SYT1: variants seen among roughly 807,000 people sequenced by gnomAD.
SYT1 encodes synaptotagmin-1.
In SYT1, 8 loss-of-function variants were observed where a neutral mutation model predicts 44.8. The observed-to-expected ratio is 0.18, with a 90% confidence interval of 0.10 to 0.32. The LOEUF (loss-of-function observed/expected upper bound fraction) is 0.32, where lower values mean the gene tolerates loss of function less well. Ranked by LOEUF, SYT1 falls within the 10% of genes least tolerant of loss-of-function variation. The probability of loss-of-function intolerance (pLI) is 1.00; values close to 1 mark genes in which losing one functional copy is unlikely to be tolerated. For synonymous variants in SYT1, 154 were observed against 188.8 expected (o/e 0.82, Z 1.51); for missense variants, 286 against 509.3 (o/e 0.56, Z 4.22).
chr12:79,430,587 A>G (rs934778023), intron 9 of SYT1, among the ~76,000 whole-genome samples: 3 of 152,084 alleles, frequency 2.0e-5, no homozygotes, highest in African/African-American at 4.8e-5. Flanking sequence ...AGAGTTTAAG[A>G]CCAGCCTAGG....
At chr12:79,434,505 C>T (rs958028284) in intron 9 of SYT1, among the ~76,000 whole-genome samples, 16 of 152,176 alleles carry the variant, frequency 1.1e-4, no homozygotes, top group African/African-American at 3.6e-4. Context: ...AAATTGTTTG[C>T]TCTGTGAGCC....
intron 2 of SYT1, among the ~76,000 whole-genome samples, chr12:79,035,319 C>T (rs1311660000): frequency 2.6e-5 from 4 of 151,638 alleles, no homozygotes; most frequent in Non-Finnish European, 4.4e-5. Context: ...GTTGGGAAAG[C>T]TGAATCCATT....
intron 8 of SYT1, among the ~76,000 whole-genome samples, chr12:79,338,452 T>C: frequency 6.6e-6 from 1 of 151,852 alleles, no homozygotes; most frequent in Non-Finnish European, 1.5e-5. Context: ...TAATTTTCTT[T>C]AATTTTTATT....
rs1170862239 is a variant in SYT1 at position 78,894,852 on chromosome 12, G to A, written c.-217+29743G>A. On this transcript the variant is annotated intron_variant, in intron 1 of 10. Coordinates refer to ENST00000261205, the MANE Select transcript of SYT1 (RefSeq NM_005639.3). ...GTTTAAGAGACCTATTGTACATCAT[G>A]ATGACTGTGGTTAATAGCAGTATAT... Among the ~76,000 whole-genome samples the A allele has an allele frequency of 4.0e-5, 6 of 151,588 alleles. No individual in the cohort carries two copies. In the Admixed American group the frequency reaches 4.0e-4, roughly 10 times the overall value.
At chr12:79,418,542 C>T (rs1328109559) in intron 9 of SYT1, among the ~76,000 whole-genome samples, 2 of 152,122 alleles carry the variant, frequency 1.3e-5, no homozygotes, top group Non-Finnish European at 2.9e-5. Flanking sequence ...TGGGTGACTT[C>T]ACCACCCCCA....
intron 3 of SYT1, among the ~76,000 whole-genome samples, chr12:79,066,606 ATTATAC>A (rs750159629): frequency 6.6e-5 from 10 of 152,154 alleles, no homozygotes; most frequent in Admixed American, 1.3e-4. Context: ...AATATTGTGA[ATTATAC>A]TTAATCTAAT....
At chr12:79,246,776 C>T (rs919750197) in intron 4 of SYT1, among the ~76,000 whole-genome samples, 2 of 152,222 alleles carry the variant, frequency 1.3e-5, no homozygotes, top group African/African-American at 4.8e-5. Context: ...GGGACACATT[C>T]AGACAATAAT....
intron 4 of SYT1, among the ~76,000 whole-genome samples, chr12:79,228,439 A>G (rs1875657486): frequency 6.6e-6 from 1 of 152,124 alleles, no homozygotes; most frequent in South Asian, 2.1e-4. Flanking sequence ...AGTTGCTCAG[A>G]TATTTCTGCA....
At chr12:79,397,268 T>C (rs1016738440) in intron 9 of SYT1, among the ~76,000 whole-genome samples, 4 of 152,206 alleles carry the variant, frequency 2.6e-5, no homozygotes, top group Admixed American at 6.5e-5. Flanking sequence ...CTCCCTCTGT[T>C]GCCCAGGCTG....
chr12:79,039,891 T>C (rs374374985), intron 2 of SYT1, among the ~76,000 whole-genome samples: 22,981 of 137,808 alleles, frequency 0.17, 2,011 homozygotes, highest in East Asian at 0.25. Context: ...TTTGTTCTTG[T>C]GATAGTTTAC....
At chr12:79,212,507 A>AT (rs1308935864) in intron 3 of SYT1, among the ~76,000 whole-genome samples, 1 of 151,706 alleles carries the variant, frequency 6.6e-6, no homozygotes, top group Non-Finnish European at 1.5e-5. Context: ...TGAAAAAAAA[A>AT]AAAAGAAAAT....
chr12:78,892,817 AT>A (rs772649970), intron 1 of SYT1, among the ~76,000 whole-genome samples: 1 of 151,742 alleles, frequency 6.6e-6, no homozygotes, highest in African/African-American at 2.4e-5. Flanking sequence ...GAGGAGAATT[AT>A]TTTTTTCAGA....
chr12:79,251,419 G>A (rs1246372216), intron 4 of SYT1, among the ~76,000 whole-genome samples: 1 of 152,106 alleles, frequency 6.6e-6, no homozygotes, highest in Non-Finnish European at 1.5e-5. Context: ...AATAGAACTT[G>A]CTCAGATAAG....
In SYT1 at chr12:79,142,366, A is replaced by C. The variant is rs75961309; in HGVS notation, c.-17-75137A>C. Among the ~76,000 whole-genome samples, 346 of 152,304 alleles carry C rather than the reference A, an allele frequency of 2.3e-3. 9 individuals are homozygous for C. In the South Asian group the frequency reaches 0.034, roughly 15 times the overall value. ...TACAACTTGAAAACTTACATTTTTC[A>C]CCTTTGTGGGGATGGAGCTTAATAT... On this transcript the variant is annotated intron_variant, in intron 3 of 10. Transcript: ENST00000261205.
chr12:79,184,758 AT>A (rs1171462076), intron 3 of SYT1, among the ~76,000 whole-genome samples: 1 of 152,096 alleles, frequency 6.6e-6, no homozygotes. Flanking sequence ...AATAACTATA[AT>A]CCACATCTAG....
chr12:79,194,470 T>TATC (rs1285102705), intron 3 of SYT1, among the ~76,000 whole-genome samples: 1 of 151,518 alleles, frequency 6.6e-6, no homozygotes, highest in Non-Finnish European at 1.5e-5. Flanking sequence ...TTATTATTAT[T>TATC]ATTATTGTAG....
chr12:79,381,721 T>C (rs1884231121), intron 9 of SYT1, among the ~76,000 whole-genome samples: 1 of 152,174 alleles, frequency 6.6e-6, no homozygotes, highest in African/African-American at 2.4e-5. Flanking sequence ...GAGCTACAAA[T>C]TGCGTGGAAG....
At chr12:79,374,457 T>C (rs1435855485) in intron 9 of SYT1, among the ~76,000 whole-genome samples, 1 of 152,254 alleles carries the variant, frequency 6.6e-6, no homozygotes, top group African/African-American at 2.4e-5. Context: ...TTGTTATTTA[T>C]TAATGTGATA....
rs150112844 is a variant in SYT1 at position 79,186,275 on chromosome 12, T to C, written c.-17-31228T>C. Among the ~76,000 whole-genome samples, 615 of 152,194 alleles carry C rather than the reference T, an allele frequency of 4.0e-3. 3 individuals are homozygous for C. The highest frequency in any genetic ancestry group is 0.014 in the African/African-American group (579 of 41,564). On this transcript the variant is annotated intron_variant, in intron 3 of 10. Coordinates refer to ENST00000261205, the MANE Select transcript of SYT1 (RefSeq NM_005639.3). Reference sequence around the variant, plus strand: ...TCACTTGCATGATACCTATGTTAGTTTGTATTTTATTTATATTTGTTGCAC... The same window carrying C: ...TCACTTGCATGATACCTATGTTAGTCTGTATTTTATTTATATTTGTTGCAC...
Sources: allele counts gnomAD v4.1 joint callset (sites outside exome capture counted in the v4.1 genomes callset), GRCh38; gene constraint gnomAD v4.1.1; transcripts MANE v1.5; gene names NCBI Gene and HGNC (gene_info 2026-07-23, HGNC 2026-07-21).